The following XYLT1 variants were observed in gnomAD, a reference collection of about 807,000 sequenced individuals.
XYLT1 encodes the protein beta-D-xylosyltransferase 1.
Under a neutral mutation model 91.3 loss-of-function variants are expected in XYLT1, and 36 were observed. The ratio of observed to expected loss-of-function variants is 0.39; its 90% CI spans 0.30 to 0.52. The LOEUF (loss-of-function observed/expected upper bound fraction) is 0.52. Among genes scored for constraint, XYLT1 ranks in the 20% least tolerant of loss-of-function variants. XYLT1 has a pLI of 0.68. For missense variants in XYLT1, 1,242 were observed against 1,284.5 expected, an observed-to-expected ratio of 0.97 and a Z score of 0.51; for synonymous variants, 588 against 532.0, an observed-to-expected ratio of 1.11 and a Z score of -1.45.
chr16:17,430,549 G>A (rs2036378704), intron 1 of XYLT1, among the ~76,000 whole-genome samples: 1 of 152,148 alleles, frequency 6.6e-6, no homozygotes, highest in South Asian at 2.1e-4. Flanking sequence ...CCAAGTGCAG[G>A]CCCATTCCTG....
At chr16:17,457,369 A>G (rs2036758341) in intron 1 of XYLT1, among the ~76,000 whole-genome samples, 1 of 152,198 alleles carries the variant, frequency 6.6e-6, no homozygotes, top group South Asian at 2.1e-4. Flanking sequence ...CACTCCAATA[A>G]ACAGTCAGTT....
intron 5 of XYLT1, among the ~76,000 whole-genome samples, chr16:17,197,825 C>T (rs913464062): frequency 1.3e-5 from 2 of 152,186 alleles, no homozygotes; most frequent in South Asian, 2.1e-4. Flanking sequence ...CCTCAGCTTG[C>T]AGACGGCCTA....
At chr16:17,422,245 G>A in intron 1 of XYLT1, among the ~76,000 whole-genome samples, 1 of 152,008 alleles carries the variant, frequency 6.6e-6, no homozygotes. Flanking sequence ...CACCCAGGCT[G>A]GAATGCAGTA....
intron 7 of XYLT1, among the ~76,000 whole-genome samples, chr16:17,140,727 A>T (rs1381371820): frequency 6.6e-6 from 1 of 150,422 alleles, no homozygotes; most frequent in African/African-American, 2.4e-5. Context: ...GTCAGCATAT[A>T]CAGTTGTGCA....
At chr16:17,376,590 G>T (rs1005881679) in intron 1 of XYLT1, among the ~76,000 whole-genome samples, 1 of 152,156 alleles carries the variant, frequency 6.6e-6, no homozygotes, top group African/African-American at 2.4e-5. Context: ...ACTTTGAGAG[G>T]CCAAGGCAGG....
Position 17,292,857 on chromosome 16 carries a change from C to G in XYLT1, c.403-33359G>C, listed in dbSNP as rs146654384. Reference sequence around the variant, plus strand: ...TCTCTCCACACTTTGCCCAGTCCCACGGTCAGGGATGAGACGTTCATCCAC... The same window carrying G: ...TCTCTCCACACTTTGCCCAGTCCCAGGGTCAGGGATGAGACGTTCATCCAC... On this transcript the variant is annotated intron_variant, in intron 2 of 11. Coordinates refer to ENST00000261381, the MANE Select transcript of XYLT1 (RefSeq NM_022166.4). Among the ~76,000 whole-genome samples, 225 of 152,298 alleles carry G rather than the reference C, an allele frequency of 1.5e-3. 1 individual carries two copies. The highest frequency in any genetic ancestry group is 4.3e-3 in the South Asian group (21 of 4,832).
intron 9 of XYLT1, among the ~76,000 whole-genome samples, 160 bp downstream of exon 9, chr16:17,134,313 A>G (rs1210866086): frequency 6.6e-6 from 1 of 152,150 alleles, no homozygotes. Context: ...CACGCACGCT[A>G]GGAGGGTGGC....
At position 17,222,352 on chromosome 16, in the gene XYLT1, A is replaced by G. The variant is rs148742416; in HGVS notation, c.914-21698T>C. On this transcript the variant is annotated intron_variant, in intron 3 of 11. Transcript: ENST00000261381. ...ATGCTACTGGCACCTAGGAGGTAGA[A>G]GCCAGGGATACCGCTAAACGTCCCA... Among the ~76,000 whole-genome samples, 364 of 152,334 alleles carry G rather than the reference A, an allele frequency of 2.4e-3. 2 individuals carry two copies. The highest frequency in any genetic ancestry group is 8.4e-3 in the African/African-American group (351 of 41,572).
chr16:17,242,207 G>A (rs1391628709), intron 3 of XYLT1, among the ~76,000 whole-genome samples: 1 of 152,164 alleles, frequency 6.6e-6, no homozygotes, highest in Non-Finnish European at 1.5e-5. Flanking sequence ...AGGGGTTGGC[G>A]AATTATGGTC....
rs993905983 is a variant in XYLT1, at chr16:17,455,642, G to T, written c.363+14792C>A. Among the ~76,000 whole-genome samples the T allele has an allele frequency of 3.9e-5, 6 of 152,030 alleles. No homozygotes were observed. In the East Asian group the frequency reaches 9.7e-4, roughly 25 times the overall value. Reference sequence around the variant, plus strand: ...AATAAATAAAAGGTAGATTTAAATTGTTTTCCTCTATTATTGTGTTTACTT... The same window carrying T: ...AATAAATAAAAGGTAGATTTAAATTTTTTTCCTCTATTATTGTGTTTACTT... On this transcript the variant is annotated intron_variant, in intron 1 of 11. Coordinates refer to ENST00000261381, the MANE Select transcript of XYLT1 (RefSeq NM_022166.4).
chr16:17,244,346 A>T (rs1185461980), intron 3 of XYLT1, among the ~76,000 whole-genome samples: 1 of 152,084 alleles, frequency 6.6e-6, no homozygotes, highest in African/African-American at 2.4e-5. Context: ...AATTGCTGGG[A>T]TCTCGGAGGA....
At chr16:17,177,410 G>A (rs1036699725) in intron 5 of XYLT1, among the ~76,000 whole-genome samples, 3 of 152,110 alleles carry the variant, frequency 2.0e-5, no homozygotes, top group Non-Finnish European at 4.4e-5. Flanking sequence ...TTATATGCAT[G>A]CAAATTTCTT....
At chr16:17,237,562 A>G (rs1399063732) in intron 3 of XYLT1, among the ~76,000 whole-genome samples, 3 of 152,190 alleles carry the variant, frequency 2.0e-5, no homozygotes, top group African/African-American at 7.2e-5. Flanking sequence ...GTTGGGTTTC[A>G]GATTAGTGAA....
chr16:17,399,976 C>T (rs1324670638), intron 1 of XYLT1, among the ~76,000 whole-genome samples: 1 of 152,236 alleles, frequency 6.6e-6, no homozygotes, highest in Non-Finnish European at 1.5e-5. Flanking sequence ...GCTGTGTTTT[C>T]AACACAATCG....
intron 1 of XYLT1, among the ~76,000 whole-genome samples, chr16:17,428,714 G>A (rs1196866276): frequency 2.6e-5 from 4 of 152,112 alleles, no homozygotes; most frequent in African/African-American, 7.2e-5. Context: ...GGAAGCTTTC[G>A]GCCGTGTGGT....
At chr16:17,352,680 G>C (rs1313799803) in intron 2 of XYLT1, among the ~76,000 whole-genome samples, 1 of 152,080 alleles carries the variant, frequency 6.6e-6, no homozygotes, top group Non-Finnish European at 1.5e-5. Flanking sequence ...CACTACCTGG[G>C]AGATTTTACA....
chr16:17,319,348 A>G (rs1469447263), intron 2 of XYLT1, among the ~76,000 whole-genome samples: 1 of 152,208 alleles, frequency 6.6e-6, no homozygotes, highest in Non-Finnish European at 1.5e-5. Flanking sequence ...AGAGCATGAC[A>G]GGAAGGGTCC....
At chr16:17,230,462 C>T (rs990073327) in intron 3 of XYLT1, among the ~76,000 whole-genome samples, 13 of 152,194 alleles carry the variant, frequency 8.5e-5, no homozygotes, top group East Asian at 1.9e-4. Flanking sequence ...CTAAGCCTTC[C>T]GTGAGCAGTA....
At position 17,129,789 on chromosome 16, in the gene XYLT1, C is replaced by T. The variant is rs191985152; in HGVS notation, c.2028-1928G>A. ...CACTGAAGTAGCCACTTGTGGCTAC[C>T]GTATTGGACAGCAAAGATAGTCATG... On this transcript the variant is annotated intron_variant, in intron 9 of 11. Coordinates refer to ENST00000261381, the MANE Select transcript of XYLT1 (RefSeq NM_022166.4). Among the ~76,000 whole-genome samples the T allele has an allele frequency of 4.7e-4, 71 of 152,116 alleles. 1 individual carries two copies. The highest frequency in any genetic ancestry group is 1.6e-3 in the African/African-American group (68 of 41,426).
Sources: allele counts gnomAD v4.1 joint callset (sites outside exome capture counted in the v4.1 genomes callset), GRCh38; gene constraint gnomAD v4.1.1; transcripts MANE v1.5; gene names NCBI Gene and HGNC (gene_info 2026-07-23, HGNC 2026-07-21).